Variants in GTF2A1 observed in about 807,000 individuals in gnomAD.
The protein encoded by GTF2A1 is transcription initiation factor IIA subunit 1.
Under a neutral mutation model 54.1 loss-of-function variants are expected in GTF2A1, and 12 were observed. That is an observed-to-expected ratio of 0.22 (90% CI 0.14 to 0.36). The LOEUF (loss-of-function observed/expected upper bound fraction) is 0.36, where lower values mean the gene tolerates loss of function less well. Ranked by LOEUF, GTF2A1 falls within the 10% of genes least tolerant of loss-of-function variation. GTF2A1 has a pLI of 1.00. For synonymous variants in GTF2A1, 145 were observed against 152.0 expected, an observed-to-expected ratio of 0.95 and a Z score of 0.34; for missense variants, 335 against 442.2, an observed-to-expected ratio of 0.76 and a Z score of 2.17.
chr14:81,177,131 G>A lies in GTF2A1; in HGVS notation c.*3092C>T, dbSNP rs1184027869. ...AGCTATATGTTATTTCCTAAAACCAGAATCTATTATGCTCATTAAGCACAC... is the reference window on the plus strand; with the variant it reads ...AGCTATATGTTATTTCCTAAAACCAAAATCTATTATGCTCATTAAGCACAC... On this transcript the variant is annotated 3_prime_UTR_variant, in exon 9 of 9. Coordinates refer to ENST00000553612, the MANE Select transcript of GTF2A1 (RefSeq NM_015859.4). The A allele has an allele frequency of 6.6e-6, 1 of 151,992 alleles. No homozygotes were observed. The highest frequency in any genetic ancestry group is 1.5e-5 in the Non-Finnish European group (1 of 67,966). 9.4% of individuals were successfully genotyped at this position (151,992 alleles called of 1,614,324 possible).
At chr14:81,185,750 ATT>A (rs1892730692) in intron 7 of GTF2A1, 130 bp from the exon 8 acceptor site, 2 of 502,810 alleles carry the variant, frequency 4.0e-6, no homozygotes, top group Non-Finnish European at 3.5e-6. Context: ...TGAATTTAAT[ATT>A]GTCAAATCAG....
At chr14:81,204,738 T>C (rs1308789727) in intron 2 of GTF2A1, among the ~76,000 whole-genome samples, 1 of 152,212 alleles carries the variant, frequency 6.6e-6, no homozygotes, top group Non-Finnish European at 1.5e-5. Context: ...CAATTGACAA[T>C]CCTTTTCTGT....
chr14:81,213,768 G>T (rs1370957522), intron 2 of GTF2A1, among the ~76,000 whole-genome samples: 1 of 151,296 alleles, frequency 6.6e-6, no homozygotes, highest in Non-Finnish European at 1.5e-5. Flanking sequence ...TTTTCTCAAG[G>T]TAAATAAATA....
chr14:81,201,259 A>G (rs1027766289), intron 4 of GTF2A1, among the ~76,000 whole-genome samples: 7 of 152,014 alleles, frequency 4.6e-5, no homozygotes, highest in African/African-American at 1.4e-4. Context: ...TAGCCTTCCC[A>G]CCCTCTTGCA....
chr14:81,206,883 G>A (rs1893243047), intron 2 of GTF2A1, among the ~76,000 whole-genome samples: 1 of 151,496 alleles, frequency 6.6e-6, no homozygotes. Flanking sequence ...ATAGAACTGA[G>A]AAAAAATCAG....
chr14:81,216,372 G>A, intron 2 of GTF2A1, 41 bp downstream of exon 2: 1 of 848,028 alleles, frequency 1.2e-6, no homozygotes, highest in Non-Finnish European at 2.0e-6. Flanking sequence ...AATGTTTTGT[G>A]GGGGAAAAGT....
At position 81,177,730 on chromosome 14, in the gene GTF2A1, C is replaced by T. The variant is rs549165251; in HGVS notation, c.*2493G>A. 4 of 152,094 alleles carry T rather than the reference C, an allele frequency of 2.6e-5. No homozygotes were observed. In the South Asian group the frequency reaches 8.3e-4, roughly 32 times the overall value. 9.4% of individuals were successfully genotyped at this position (152,094 alleles called of 1,614,324 possible). ...TCAAAGGAATGACATTTTAATGGAA[C>T]CTAATACGAAATGATTTGTTAAATA... On this transcript the variant is annotated 3_prime_UTR_variant, in exon 9 of 9. Transcript: ENST00000553612.
At chr14:81,193,766 C>G (rs1298391094) in intron 6 of GTF2A1, among the ~76,000 whole-genome samples, 1 of 152,092 alleles carries the variant, frequency 6.6e-6, no homozygotes, top group Non-Finnish European at 1.5e-5. Flanking sequence ...TATATACTAA[C>G]AAATATTAAC....
At chr14:81,201,813 T>G (rs766321210) in intron 3 of GTF2A1, among the ~76,000 whole-genome samples, 155 bp from the exon 4 acceptor site, 1 of 152,174 alleles carries the variant, frequency 6.6e-6, no homozygotes, top group Non-Finnish European at 1.5e-5. Context: ...ACATTATAAA[T>G]GTATATGGCA....
At chr14:81,214,189 G>C (rs1378301288) in intron 2 of GTF2A1, among the ~76,000 whole-genome samples, 1 of 152,162 alleles carries the variant, frequency 6.6e-6, no homozygotes, top group Non-Finnish European at 1.5e-5. Context: ...TGGTTGCCAA[G>C]TTGCAGCCTC....
At chr14:81,208,198 G>A (rs1224576651) in intron 2 of GTF2A1, among the ~76,000 whole-genome samples, 1 of 152,142 alleles carries the variant, frequency 6.6e-6, no homozygotes, top group Non-Finnish European at 1.5e-5. Flanking sequence ...CAGGCCCAGG[G>A]TCCCCATGCT....
chr14:81,205,369 C>T (rs143156749), intron 2 of GTF2A1, among the ~76,000 whole-genome samples: 1 of 152,264 alleles, frequency 6.6e-6, no homozygotes, highest in African/African-American at 2.4e-5. Context: ...TAATGGCTTA[C>T]TGAGAAAGCA....
intron 2 of GTF2A1, among the ~76,000 whole-genome samples, chr14:81,205,931 G>A (rs1893219663): frequency 6.6e-6 from 1 of 152,014 alleles, no homozygotes; most frequent in African/African-American, 2.4e-5. Flanking sequence ...TATATAGTAA[G>A]GCTTCCAAAC....
At chr14:81,214,008 A>G (rs1893431677) in intron 2 of GTF2A1, among the ~76,000 whole-genome samples, 1 of 152,008 alleles carries the variant, frequency 6.6e-6, no homozygotes. Context: ...ATGCCCAGCT[A>G]ATTTTTGTAT....
chr14:81,214,804 T>C (rs560124754), intron 2 of GTF2A1, among the ~76,000 whole-genome samples: 3 of 152,322 alleles, frequency 2.0e-5, no homozygotes, highest in African/African-American at 7.2e-5. Context: ...ATAACATTTT[T>C]CTGAAAATAG....
chr14:81,215,833 C>G (rs555455832), intron 2 of GTF2A1, among the ~76,000 whole-genome samples: 1 of 152,014 alleles, frequency 6.6e-6, no homozygotes, highest in Admixed American at 6.6e-5. Flanking sequence ...GCCAGGAGTT[C>G]GAAAGCAGCC....
At chr14:81,220,377 C>T (rs1349047392) in intron 1 of GTF2A1, 112 bp downstream of exon 1, 5 of 533,836 alleles carry the variant, frequency 9.4e-6, no homozygotes, top group Non-Finnish European at 1.4e-5. Flanking sequence ...GGCGGCCGCG[C>T]GGGCGGCTGA....
At chr14:81,215,532 C>T (rs1285105622) in intron 2 of GTF2A1, among the ~76,000 whole-genome samples, 1 of 152,052 alleles carries the variant, frequency 6.6e-6, no homozygotes, top group East Asian at 1.9e-4. Context: ...CATTACAATG[C>T]AAGGAAAACA....
chr14:81,218,520 T>A (rs1893536835), intron 1 of GTF2A1, among the ~76,000 whole-genome samples: 2 of 152,196 alleles, frequency 1.3e-5, no homozygotes, highest in Non-Finnish European at 1.5e-5. Flanking sequence ...GTATTTGAAA[T>A]AAGCAATTTC....
Sources: allele counts gnomAD v4.1 joint callset (sites outside exome capture counted in the v4.1 genomes callset), GRCh38; gene constraint gnomAD v4.1.1; transcripts MANE v1.5; gene names NCBI Gene and HGNC (gene_info 2026-07-23, HGNC 2026-07-21).